Variants in SMAD6 observed in about 807,000 individuals in gnomAD.
SMAD6 encodes the protein SMAD family member 6, also known as MAD homolog 6.
In SMAD6, 103 loss-of-function variants were observed where a neutral mutation model predicts 39.4. The ratio of observed to expected loss-of-function variants is 2.62; its 90% CI spans 2.23 to 3.08. The LOEUF is 3.08. Ranked by LOEUF, SMAD6 falls within the 30% of genes most tolerant of loss-of-function variation. The pLI is 0.00. For synonymous variants in SMAD6, 445 were observed against 353.3 expected (o/e 1.26, Z -2.91); for missense variants, 1,104 against 742.9 (o/e 1.49, Z -5.65).
intron 3 of SMAD6, among the ~76,000 whole-genome samples, chr15:66,755,019 T>C (rs561301967): frequency 1.5e-4 from 23 of 152,334 alleles, no homozygotes; most frequent in African/African-American, 5.0e-4. Context: ...GGCAAACACC[T>C]TACCTTCTCT....
chr15:66,715,911 G>A (rs971935247), intron 2 of SMAD6, among the ~76,000 whole-genome samples: 1 of 152,136 alleles, frequency 6.6e-6, no homozygotes, highest in Non-Finnish European at 1.5e-5. Context: ...CCCTTAATTA[G>A]AGGGGTGTAA....
chr15:66,705,443 C>G (rs1203726030), intron 1 of SMAD6: 1 of 152,206 alleles, frequency 6.6e-6, no homozygotes, highest in Non-Finnish European at 1.5e-5. Flanking sequence ...GCCAGGCTTT[C>G]TATGTACTCT....
At chr15:66,704,368 G>C in intron 1 of SMAD6, 1 of 298,842 alleles carries the variant, frequency 3.3e-6, no homozygotes, top group Admixed American at 5.1e-5. Context: ...TTCATAGGCA[G>C]TGAAAGGGGA....
intron 3 of SMAD6, among the ~76,000 whole-genome samples, chr15:66,718,110 CCGTGTGTG>C (rs1310597613): frequency 4.1e-5 from 3 of 72,414 alleles, no homozygotes; most frequent in African/African-American, 2.1e-4. Flanking sequence ...GATGGAAAGT[CCGTGTGTG>C]TGTGTGTGTG....
Position 66,781,511 on chromosome 15 carries a change from G to A in SMAD6, c.1467G>A (p.Glu489=). 2 of 1,540,654 alleles carry A rather than the reference G, an allele frequency of 1.3e-6. No homozygotes were observed. Among genetic ancestry groups the A allele is most frequent in the Non-Finnish European group, 1.7e-6 (2 of 1,145,520 alleles). Residue 489 remains glutamate, a synonymous_variant, in exon 4 of 4, where the codon GAG becomes GAA. Transcript: ENST00000288840. ...QFITSCPCWL[E]ILLNNPR ...TCACCTCCTGCCCCTGCTGGCTGGA[G>A]ATCCTCCTCAACAACCCCAGATAGT...
chr15:66,708,830 C>T (rs1005155354), intron 1 of SMAD6: 3 of 450,946 alleles, frequency 6.7e-6, no homozygotes, highest in Non-Finnish European at 1.4e-5. Context: ...AAAAAAATGT[C>T]TTGTGTTTAG....
chr15:66,739,860 G>A (rs1043613735), intron 3 of SMAD6, among the ~76,000 whole-genome samples: 3 of 152,126 alleles, frequency 2.0e-5, no homozygotes, highest in East Asian at 1.9e-4. Flanking sequence ...GGGTAGCCTC[G>A]AACTATGAGG....
intron 3 of SMAD6, among the ~76,000 whole-genome samples, chr15:66,756,109 C>G (rs923217607): frequency 5.9e-5 from 9 of 151,908 alleles, no homozygotes; most frequent in African/African-American, 2.2e-4. Flanking sequence ...TTCCCCACAC[C>G]TCCCCCTTCT....
At chr15:66,733,239 AGTCTTTT>A (rs1287755837) in intron 3 of SMAD6, among the ~76,000 whole-genome samples, 1 of 152,004 alleles carries the variant, frequency 6.6e-6, no homozygotes, top group Non-Finnish European at 1.5e-5. Context: ...AGGTCATGTG[AGTCTTTT>A]GTCTTTTTCA....
intron 3 of SMAD6, among the ~76,000 whole-genome samples, chr15:66,724,525 C>G (rs1452734740): frequency 1.3e-5 from 2 of 152,158 alleles, no homozygotes; most frequent in Non-Finnish European, 2.9e-5. Context: ...AAGTAACAGG[C>G]TCAGAGAGGT....
At chr15:66,775,143 T>C (rs934881318) in intron 3 of SMAD6, among the ~76,000 whole-genome samples, 7 of 152,202 alleles carry the variant, frequency 4.6e-5, no homozygotes, top group Admixed American at 4.6e-4. Flanking sequence ...ATTACAGGCA[T>C]GAGCCACCAT....
intron 3 of SMAD6, among the ~76,000 whole-genome samples, chr15:66,764,935 C>T (rs117707094): frequency 3.4e-3 from 517 of 152,226 alleles, no homozygotes; most frequent in Non-Finnish European, 5.6e-3. Flanking sequence ...AGATTCCACC[C>T]CTGGGTTTCA....
chr15:66,722,132 C>T (rs1487875117), intron 3 of SMAD6, among the ~76,000 whole-genome samples: 1 of 152,148 alleles, frequency 6.6e-6, no homozygotes, highest in Non-Finnish European at 1.5e-5. Context: ...AAACTTCTAT[C>T]CAAACATGCC....
In SMAD6 at chr15:66,747,965, G is replaced by T. The variant is rs962349316; in HGVS notation, c.952+31467G>T. Among the ~76,000 whole-genome samples, 1 of 151,776 alleles carries T rather than the reference G, an allele frequency of 6.6e-6. No homozygotes were observed. The highest frequency in any genetic ancestry group is 2.4e-5 in the African/African-American group (1 of 41,346). ...CCGGCATGAGGCAGTGGCTGGGGGC[G>T]CACACAGCCACCCCCACGCCCTAAC... On this transcript the variant is annotated intron_variant, in intron 3 of 3. Transcript: ENST00000288840. The surrounding 1 kb of genome is among the most constrained non-coding windows in gnomAD (Gnocchi z 4.5).
At chr15:66,722,183 C>T (rs1465690710) in intron 3 of SMAD6, among the ~76,000 whole-genome samples, 1 of 152,276 alleles carries the variant, frequency 6.6e-6, no homozygotes, top group South Asian at 2.1e-4. Flanking sequence ...TTTTCACAGA[C>T]TGATCACACC....
At chr15:66,741,790 C>T (rs1323814899) in intron 3 of SMAD6, among the ~76,000 whole-genome samples, 2 of 152,234 alleles carry the variant, frequency 1.3e-5, no homozygotes, top group African/African-American at 4.8e-5. Flanking sequence ...CACTCCCTCA[C>T]TCAAATGCCC....
chr15:66,773,671 A>G (rs76445139), intron 3 of SMAD6, among the ~76,000 whole-genome samples: 6,706 of 152,252 alleles, frequency 0.044, 180 homozygotes, highest in Admixed American at 0.082. Flanking sequence ...AGCCACAGGC[A>G]TGACACGGGA....
At chr15:66,779,994 AAAC>A (rs1194676538) in intron 3 of SMAD6, among the ~76,000 whole-genome samples, 1 of 152,208 alleles carries the variant, frequency 6.6e-6, no homozygotes, top group Non-Finnish European at 1.5e-5. Context: ...GAAAATTGTT[AAAC>A]TCCTCCAGAC....
intron 3 of SMAD6, among the ~76,000 whole-genome samples, chr15:66,754,469 C>T (rs116743818): frequency 0.021 from 3,262 of 152,258 alleles, 120 homozygotes; most frequent in African/African-American, 0.074. Context: ...CCAGTGGTAC[C>T]GGGCAGGAGC....
Sources: allele counts gnomAD v4.1 joint callset (sites outside exome capture counted in the v4.1 genomes callset), GRCh38; gene constraint gnomAD v4.1.1; non-coding constraint Gnocchi (gnomAD v3.1); transcripts MANE v1.5; gene names NCBI Gene and HGNC (gene_info 2026-07-23, HGNC 2026-07-21).